Variants in NAV1 observed in about 807,000 individuals in gnomAD.
NAV1 encodes the protein pore membrane and/or filament interacting like protein 3.
In NAV1, 18 loss-of-function variants were observed where a neutral mutation model predicts 175.2. The observed-to-expected ratio is 0.10, with a 90% CI of 0.07 to 0.15. The LOEUF is 0.15. Among genes scored for constraint, NAV1 ranks in the 10% least tolerant of loss-of-function variants. The pLI is 1.00. For missense variants in NAV1, 1,731 were observed against 2,436.6 expected (o/e 0.71, Z 6.10); for synonymous variants, 897 against 978.7 (o/e 0.92, Z 1.56).
intron 3 of NAV1, chr1:201,724,013 C>T (rs910377788): frequency 3.3e-5 from 5 of 152,098 alleles, no homozygotes; most frequent in South Asian, 2.1e-4. Context: ...GTTTTTCGAA[C>T]CTTTCATTGT....
At chr1:201,571,939 G>A (rs867942521) in intron 1 of NAV1, among the ~76,000 whole-genome samples, 4 of 152,122 alleles carry the variant, frequency 2.6e-5, no homozygotes, top group Non-Finnish European at 4.4e-5. Context: ...TATTAATAGC[G>A]GAAAGGGGAA....
At chr1:201,593,752 C>T (rs1667275793) in intron 2 of NAV1, among the ~76,000 whole-genome samples, 1 of 152,230 alleles carries the variant, frequency 6.6e-6, no homozygotes, top group South Asian at 2.1e-4. Context: ...CTCCCACCAT[C>T]AAACTGTGGC....
intron 3 of NAV1, among the ~76,000 whole-genome samples, chr1:201,745,937 A>T (rs577901562): frequency 6.6e-6 from 1 of 152,170 alleles, no homozygotes; most frequent in South Asian, 2.1e-4. Flanking sequence ...GCCTCAAGCA[A>T]TCCTCCCACC....
At chr1:201,708,438 G>GCACA (rs1469395849) in intron 1 of NAV1, among the ~76,000 whole-genome samples, 5 of 113,878 alleles carry the variant, frequency 4.4e-5, no homozygotes, top group Non-Finnish European at 7.8e-5. Flanking sequence ...CCCTACTTGC[G>GCACA]CGCACACACA....
At chr1:201,804,550 T>C (rs1678155491) in intron 17 of NAV1, 53 bp downstream of exon 21, 2 of 1,227,966 alleles carry the variant, frequency 1.6e-6, no homozygotes, top group Non-Finnish European at 1.1e-6. Context: ...TGCCATACCT[T>C]CCCTATTTCC....
rs1671441231 is a variant in NAV1 at position 201,701,832 on chromosome 1, A to G, written c.758-10985A>G. On this transcript the variant is annotated intron_variant, in intron 1 of 29. Coordinates refer to ENST00000367296, the Ensembl canonical transcript of NAV1. ...TGGAAAACAGTCTGGCAGTTCCTCA[A>G]AATGTTAACTATAAAATTACCATGG... 1.3e-5 allele frequency among the ~76,000 whole-genome samples: 2 copies of G among 152,244 alleles called. 1 individual carries two copies. Among genetic ancestry groups the G allele is most frequent in the South Asian group, 4.1e-4 (2 of 4,836 alleles).
chr1:201,781,846 T>G (rs1427699495), intron 5 of NAV1, among the ~76,000 whole-genome samples: 1 of 152,196 alleles, frequency 6.6e-6, no homozygotes, highest in African/African-American at 2.4e-5. Context: ...TTCCATTTGC[T>G]TCCCCACCTT....
At chr1:201,543,727 A>G (rs1402522397) in intron 1 of NAV1, among the ~76,000 whole-genome samples, 1 of 152,196 alleles carries the variant, frequency 6.6e-6, no homozygotes, top group East Asian at 1.9e-4. Context: ...GTGGCATTAA[A>G]TGCATTTGCA....
At chr1:201,705,841 T>C (rs1671642907) in intron 1 of NAV1, among the ~76,000 whole-genome samples, 1 of 149,742 alleles carries the variant, frequency 6.7e-6, no homozygotes, top group African/African-American at 2.5e-5. Context: ...GGGGATTTGC[T>C]TGCTGGGTTA....
intron 28 of NAV1, 92 bp from the exon 33 acceptor site, chr1:201,816,996 G>A: frequency 1.7e-6 from 2 of 1,183,998 alleles, no homozygotes; most frequent in South Asian, 1.4e-5. Context: ...TTTTTAAGGA[G>A]CCTATTTTTT....
intron 1 of NAV1, among the ~76,000 whole-genome samples, chr1:201,545,424 C>T (rs2102445984): frequency 1.3e-5 from 2 of 151,702 alleles, no homozygotes; most frequent in South Asian, 4.2e-4. Flanking sequence ...CAGAATCTCT[C>T]TCTCTGTCAC....
chr1:201,662,940 A>G (rs536454103), intron 1 of NAV1, among the ~76,000 whole-genome samples: 77 of 74,238 alleles, frequency 1.0e-3, no homozygotes, highest in South Asian at 6.0e-3. Flanking sequence ...GGAACCAGCC[A>G]TGTTTCCAGG....
chr1:201,779,428 C>CT (rs1676161427), intron 3 of NAV1, among the ~76,000 whole-genome samples: 1 of 131,520 alleles, frequency 7.6e-6, no homozygotes, highest in Admixed American at 7.6e-5. Flanking sequence ...CCTGTCTCTA[C>CT]TTAAAAAAAA....
At chr1:201,691,644 C>T (rs984475286) in intron 1 of NAV1, among the ~76,000 whole-genome samples, 20 of 152,206 alleles carry the variant, frequency 1.3e-4, no homozygotes, top group Admixed American at 1.3e-3. Flanking sequence ...AGTCCCTGTT[C>T]CATGGATAAG....
In NAV1 at chr1:201,694,851, C is replaced by G. The variant is rs193271987; in HGVS notation, c.758-17966C>G. ...CTGAGACCTAAATCAAATTGCTTATCAGTCTCTTCAGCTGCCAAACGAACC... is the reference window on the plus strand; with the variant it reads ...CTGAGACCTAAATCAAATTGCTTATGAGTCTCTTCAGCTGCCAAACGAACC... On this transcript the variant is annotated intron_variant, in intron 1 of 29. Coordinates refer to ENST00000367296, the Ensembl canonical transcript of NAV1. This position sits in a 1 kb window ranked among gnomAD's most constrained non-coding sequence, Gnocchi z 4.2. Among the ~76,000 whole-genome samples, 1 of 152,318 alleles carries G rather than the reference C, an allele frequency of 6.6e-6. No individual in the cohort carries two copies. The highest frequency in any genetic ancestry group is 1.9e-4 in the East Asian group (1 of 5,174).
At chr1:201,582,310 G>A (rs1451574796) in intron 1 of NAV1, among the ~76,000 whole-genome samples, 1 of 152,218 alleles carries the variant, frequency 6.6e-6, no homozygotes, top group Non-Finnish European at 1.5e-5. Context: ...AAGAGCTGAC[G>A]AGTCAAACAG....
intron 1 of NAV1, among the ~76,000 whole-genome samples, chr1:201,578,163 A>G (rs1666746790): frequency 6.6e-6 from 1 of 152,104 alleles, no homozygotes; most frequent in Non-Finnish European, 1.5e-5. Context: ...GCCCCTAAGA[A>G]TCTGCTCTGC....
chr1:201,729,633 G>T (rs574854551), intron 3 of NAV1, among the ~76,000 whole-genome samples: 14 of 151,418 alleles, frequency 9.2e-5, no homozygotes, highest in Non-Finnish European at 1.9e-4. Context: ...GTGGCCAGGT[G>T]CGGTGGCTCA....
In NAV1 at chr1:201,813,330, A is replaced by T. The variant is rs1678808815; in HGVS notation, c.5340+72A>T. 2 of 1,004,132 alleles carry T rather than the reference A, an allele frequency of 2.0e-6. No individual in the cohort carries two copies. The highest frequency in any genetic ancestry group is 3.1e-6 in the Non-Finnish European group (2 of 651,698). 62.2% of individuals were successfully genotyped at this position (1,004,132 alleles called of 1,614,324 possible). ...CCTAACAAAGTAGGAATGTTTCTTTAATGTTAGGCATGGGACTACTAGGAT... is the reference window on the plus strand; with the variant it reads ...CCTAACAAAGTAGGAATGTTTCTTTTATGTTAGGCATGGGACTACTAGGAT... On this transcript the variant is annotated intron_variant, in intron 28 of 29. Transcript: ENST00000367296. This position sits in a 1 kb window ranked among gnomAD's most constrained non-coding sequence, Gnocchi z 4.2.
Sources: gnomAD v4.1 joint callset for allele counts (sites outside exome capture counted in the v4.1 genomes callset) on GRCh38, gnomAD v4.1.1 for gene constraint, Gnocchi (gnomAD v3.1) non-coding constraint, MANE v1.5 for transcripts, NCBI Gene and HGNC (gene_info 2026-07-23, HGNC 2026-07-21) for gene names.